Variants in EXD2 observed in about 807,000 individuals in gnomAD.
The protein encoded by EXD2 is exonuclease 3'-5' domain-containing protein 2.
Under a neutral mutation model 62.5 loss-of-function variants are expected in EXD2, and 40 were observed. The observed-to-expected ratio is 0.64, with a 90% CI of 0.50 to 0.83. The LOEUF is 0.83. Among genes scored for constraint, EXD2 ranks in the 40% least tolerant of loss-of-function variants. EXD2 has a pLI of 0.00. For missense variants in EXD2, 671 were observed against 761.8 expected (o/e 0.88, Z 1.40); for synonymous variants, 239 against 291.9 (o/e 0.82, Z 1.85).
At chr14:69,194,709 T>C (rs1338774272) in intron 1 of EXD2, among the ~76,000 whole-genome samples, 1 of 152,160 alleles carries the variant, frequency 6.6e-6, no homozygotes, top group Non-Finnish European at 1.5e-5. Flanking sequence ...TGGCATACTT[T>C]TCTATTTTGC....
At chr14:69,192,094 G>A (rs1170261070) in intron 1 of EXD2, 2 of 152,194 alleles carry the variant, frequency 1.3e-5, no homozygotes, top group South Asian at 2.1e-4. Flanking sequence ...CCCTGCTCTG[G>A]GCCTTGCCGG....
chr14:69,194,346 G>T (rs942504470), intron 1 of EXD2, among the ~76,000 whole-genome samples: 1 of 151,740 alleles, frequency 6.6e-6, no homozygotes, highest in Non-Finnish European at 1.5e-5. Context: ...CACCGTGTTT[G>T]CTAGGATGGT....
intron 3 of EXD2, among the ~76,000 whole-genome samples, chr14:69,215,298 ATGTGTG>A (rs61469385): frequency 2.2e-4 from 22 of 102,186 alleles, no homozygotes; most frequent in African/African-American, 4.0e-4. Flanking sequence ...TCAAAAATAT[ATGTGTG>A]TGTGTGTGTG....
intron 3 of EXD2, among the ~76,000 whole-genome samples, chr14:69,221,874 C>T (rs1320224316): frequency 7.3e-6 from 1 of 137,464 alleles, no homozygotes; most frequent in African/African-American, 2.8e-5. Flanking sequence ...GAGTTCAAGA[C>T]CAGCCTGGCC....
intron 3 of EXD2, among the ~76,000 whole-genome samples, chr14:69,227,073 C>T (rs1035396949): frequency 6.6e-6 from 1 of 152,174 alleles, no homozygotes; most frequent in Non-Finnish European, 1.5e-5. Flanking sequence ...AGCAAGAGGA[C>T]CACATTGCCC....
rs567383073 is a variant in EXD2, at chr14:69,215,693, T to A, written c.333+5890T>A. Among the ~76,000 whole-genome samples the A allele has an allele frequency of 4.2e-4, 64 of 152,332 alleles. 1 individual carries two copies. In the South Asian group the frequency reaches 0.013, roughly 32 times the overall value. ...ATCCATTCTGTTGGGCTTGTAGTAA[T>A]AGTTCACTATTATTTTAATTTGCAT... On this transcript the variant is annotated intron_variant, in intron 3 of 9. Transcript: ENST00000685843.
At chr14:69,232,233 G>T (rs1320896376) in intron 5 of EXD2, among the ~76,000 whole-genome samples, 2 of 152,108 alleles carry the variant, frequency 1.3e-5, no homozygotes, top group East Asian at 1.9e-4. Context: ...TAGTTGTCTG[G>T]CCCTGTGCTG....
At position 69,230,527 on chromosome 14, in the gene EXD2, A is replaced by C; in HGVS notation, c.646A>C (p.Asn216His). 6.2e-7 allele frequency: 1 copy of C among 1,613,870 alleles called. No homozygotes were observed. Among genetic ancestry groups the C allele is most frequent in the Non-Finnish European group, 8.5e-7 (1 of 1,179,918 alleles). Residue 216 changes from asparagine to histidine, a missense_variant, in exon 5 of 10, where the codon AAC becomes CAC. Asn to His is a moderately conservative substitution (Grantham distance 68, BLOSUM62 1). Transcript: ENST00000685843. ...GAAGTCCCTCGCTGAGACTGTTTTGAACTTTCCCCTTGACAAGTCCCTTCT... is the reference window on the plus strand; with the variant it reads ...GAAGTCCCTCGCTGAGACTGTTTTGCACTTTCCCCTTGACAAGTCCCTTCT... ...SLKSLAETVL[N>H]FPLDKSLLLR...
intron 6 of EXD2, 149 bp from the exon 7 acceptor site, chr14:69,235,897 G>C (rs2043765963): frequency 2.8e-6 from 2 of 725,348 alleles, no homozygotes; most frequent in Admixed American, 1.9e-5. Context: ...ATTAAACATG[G>C]TTTCTCACTC....
At chr14:69,216,247 A>T (rs2042985084) in intron 3 of EXD2, among the ~76,000 whole-genome samples, 1 of 152,214 alleles carries the variant, frequency 6.6e-6, no homozygotes, top group African/African-American at 2.4e-5. Context: ...ACTTTATCAC[A>T]AAACAAGTGT....
chr14:69,203,454 C>T (rs1293810956), intron 1 of EXD2, among the ~76,000 whole-genome samples: 2 of 152,036 alleles, frequency 1.3e-5, no homozygotes, highest in Admixed American at 1.3e-4. Flanking sequence ...AAGGCCTTGG[C>T]CAGGAGAGTC....
intron 3 of EXD2, among the ~76,000 whole-genome samples, chr14:69,213,362 C>G (rs1309363664): frequency 7.2e-6 from 1 of 139,346 alleles, no homozygotes; most frequent in African/African-American, 2.7e-5. Flanking sequence ...TGTGAGCTAC[C>G]ATGCTGGGCC....
intron 1 of EXD2, among the ~76,000 whole-genome samples, chr14:69,200,900 C>T (rs1393354343): frequency 6.6e-6 from 1 of 151,714 alleles, no homozygotes; most frequent in Non-Finnish European, 1.5e-5. Context: ...ATGGTAAAAC[C>T]CCGTGTCTAC....
intron 9 of EXD2, among the ~76,000 whole-genome samples, chr14:69,238,966 A>G (rs970768556): frequency 8.5e-5 from 13 of 152,196 alleles, no homozygotes; most frequent in African/African-American, 3.1e-4. Flanking sequence ...CCACAGATGC[A>G]GAACCCACAA....
intron 1 of EXD2, among the ~76,000 whole-genome samples, chr14:69,192,408 C>T (rs1323196120): frequency 6.6e-6 from 1 of 152,084 alleles, no homozygotes; most frequent in Non-Finnish European, 1.5e-5. Flanking sequence ...TAAATTTGGT[C>T]AAGTTGAGCT....
chr14:69,235,952 T>C, intron 6 of EXD2, 94 bp from the exon 7 acceptor site: 2 of 906,456 alleles, frequency 2.2e-6, no homozygotes, highest in Non-Finnish European at 1.9e-6. Flanking sequence ...TTGAGAATAG[T>C]TTTGAGTCAC....
At chr14:69,235,823 G>A (rs781293433) in intron 6 of EXD2, 5 of 549,050 alleles carry the variant, frequency 9.1e-6, no homozygotes, top group African/African-American at 7.6e-5. Flanking sequence ...GTCCATAAGT[G>A]TAAAAACTAG....
chr14:69,214,790 T>C (rs1185382550), intron 3 of EXD2, among the ~76,000 whole-genome samples: 3 of 152,154 alleles, frequency 2.0e-5, no homozygotes, highest in Non-Finnish European at 4.4e-5. Context: ...ATAGTTTAAT[T>C]TTACCTGTTT....
At chr14:69,194,842 C>T (rs1594712526) in intron 1 of EXD2, among the ~76,000 whole-genome samples, 1 of 152,300 alleles carries the variant, frequency 6.6e-6, no homozygotes, top group East Asian at 1.9e-4. Context: ...CATGTACTCT[C>T]ATTTAAAAAA....
Sources: gnomAD v4.1 joint callset for allele counts (sites outside exome capture counted in the v4.1 genomes callset) on GRCh38, gnomAD v4.1.1 for gene constraint, MANE v1.5 for transcripts, NCBI Gene and HGNC (gene_info 2026-07-23, HGNC 2026-07-21) for gene names.